Variants in PGAP4 observed in about 807,000 individuals in gnomAD.
PGAP4 encodes the protein GPI-N-acetylgalactosamine transferase PGAP4.
In PGAP4, 12 loss-of-function variants were observed where a neutral mutation model predicts 28.2. The observed-to-expected ratio is 0.42, with a 90% CI of 0.27 to 0.69. PGAP4 has a LOEUF of 0.69. Among genes scored for constraint, PGAP4 ranks in the 30% least tolerant of loss-of-function variants. PGAP4 has a pLI of 0.22. For missense variants in PGAP4, 425 were observed against 513.5 expected, an observed-to-expected ratio of 0.83 and a Z score of 1.67; for synonymous variants, 205 against 211.8, an observed-to-expected ratio of 0.97 and a Z score of 0.28.
intron 2 of PGAP4, among the ~76,000 whole-genome samples, chr9:101,508,580 C>G (rs1175642897): frequency 6.6e-6 from 1 of 152,090 alleles, no homozygotes; most frequent in Non-Finnish European, 1.5e-5. Flanking sequence ...AATCCTTCAG[C>G]TAAAAAGAAA....
At chr9:101,519,743 TCTTTG>T (rs1185011269) in intron 2 of PGAP4, among the ~76,000 whole-genome samples, 1 of 151,954 alleles carries the variant, frequency 6.6e-6, no homozygotes, top group Non-Finnish European at 1.5e-5. Flanking sequence ...CAGCTATTTA[TCTTTG>T]TTTTTATTGC....
chr9:101,523,693 C>T (rs1000404115), intron 2 of PGAP4, among the ~76,000 whole-genome samples: 3 of 132,934 alleles, frequency 2.3e-5, no homozygotes, highest in Non-Finnish European at 4.6e-5. Context: ...CTGGTCCCTC[C>T]CTGATTAGCT....
intron 2 of PGAP4, among the ~76,000 whole-genome samples, chr9:101,524,058 G>A (rs563415693): frequency 6.6e-6 from 1 of 152,008 alleles, no homozygotes; most frequent in Non-Finnish European, 1.5e-5. Flanking sequence ...GGTACTGGGG[G>A]TTGTCTGCAC....
chr9:101,477,435 ATACT>A (rs1359159296), intron 1 of PGAP4, among the ~76,000 whole-genome samples: 6 of 152,200 alleles, frequency 3.9e-5, no homozygotes, highest in African/African-American at 1.4e-4. Context: ...ACGCCTAAAG[ATACT>A]TAGTTAGGTT....
At chr9:101,483,064 C>T (rs1009370614) in intron 1 of PGAP4, among the ~76,000 whole-genome samples, 2 of 152,216 alleles carry the variant, frequency 1.3e-5, no homozygotes, top group African/African-American at 2.4e-5. Flanking sequence ...TGCCTGTTGT[C>T]TTCCATGGCC....
chr9:101,479,344 A>T (rs1360414472), intron 1 of PGAP4, among the ~76,000 whole-genome samples: 1 of 152,208 alleles, frequency 6.6e-6, no homozygotes, highest in Non-Finnish European at 1.5e-5. Context: ...TGCTCATACT[A>T]TTATCCCTGC....
At chr9:101,483,358 T>G (rs1206182633) in intron 1 of PGAP4, among the ~76,000 whole-genome samples, 1 of 152,174 alleles carries the variant, frequency 6.6e-6, no homozygotes, top group Non-Finnish European at 1.5e-5. Context: ...GTTCTAAGCA[T>G]CTCATCTATC....
At chr9:101,526,486 C>G (rs1827037063) in intron 2 of PGAP4, among the ~76,000 whole-genome samples, 2 of 152,124 alleles carry the variant, frequency 1.3e-5, no homozygotes, top group Admixed American at 6.5e-5. Context: ...GTCTGACTCT[C>G]TCGCCCAGGC....
rs558290820 is a variant in PGAP4, at chr9:101,473,926, T to C, written c.*1955A>G. On this transcript the variant is annotated 3_prime_UTR_variant, in exon 2 of 2. Transcript: ENST00000374848. ...AGTCATCTAGTAGCTCTGATCACTT[T>C]GGACATTGCTGGGGGATACATAACA... 6.6e-5 allele frequency: 10 copies of C among 152,278 alleles called. No individual in the cohort carries two copies. The East Asian group carries it at 1.9e-3, about 29-fold the overall frequency. 9.4% of individuals were successfully genotyped at this position (152,278 alleles called of 1,614,324 possible). A position where few individuals can be genotyped will look rare whatever the true frequency, so the allele number is the denominator to read the frequency against.
At chr9:101,477,190 G>A (rs1010484138) in intron 1 of PGAP4, 21 bp from the exon 2 acceptor site, 36 of 1,434,810 alleles carry the variant, frequency 2.5e-5, no homozygotes, top group Non-Finnish European at 3.1e-5. Flanking sequence ...AGGAAGTAGG[G>A]AATGGTAAGA....
intron 2 of PGAP4, among the ~76,000 whole-genome samples, chr9:101,501,095 A>G (rs375507921): frequency 6.6e-6 from 1 of 152,068 alleles, no homozygotes; most frequent in East Asian, 1.9e-4. Context: ...CTTTATGTGA[A>G]ATAGAAGTTG....
chr9:101,513,287 T>A (rs1382242212), intron 2 of PGAP4, among the ~76,000 whole-genome samples: 1 of 152,174 alleles, frequency 6.6e-6, no homozygotes, highest in African/African-American at 2.4e-5. Context: ...TATGGTCCTC[T>A]CTGCCCTCTA....
chr9:101,477,965 C>T (rs1826376080), intron 1 of PGAP4, among the ~76,000 whole-genome samples: 1 of 152,052 alleles, frequency 6.6e-6, no homozygotes. Flanking sequence ...CAGTTGCCCT[C>T]AGTTTGGTCC....
At chr9:101,518,800 A>G (rs887933111) in intron 2 of PGAP4, among the ~76,000 whole-genome samples, 2 of 152,140 alleles carry the variant, frequency 1.3e-5, no homozygotes, top group African/African-American at 4.8e-5. Flanking sequence ...TCTTTTTCAT[A>G]TGACTTCTTT....
At chr9:101,514,209 C>T (rs1348537631) in intron 2 of PGAP4, among the ~76,000 whole-genome samples, 1 of 152,142 alleles carries the variant, frequency 6.6e-6, no homozygotes, top group East Asian at 1.9e-4. Flanking sequence ...AATTAGCCAT[C>T]ACATTAGTTA....
At chr9:101,485,685 T>C (rs1826596589) in intron 1 of PGAP4, among the ~76,000 whole-genome samples, 1 of 152,212 alleles carries the variant, frequency 6.6e-6, no homozygotes, top group South Asian at 2.1e-4. Context: ...ACGCTTTTGA[T>C]TTAAAACTTC....
At chr9:101,524,849 C>T (rs961784636) in intron 2 of PGAP4, among the ~76,000 whole-genome samples, 4 of 152,146 alleles carry the variant, frequency 2.6e-5, no homozygotes, top group South Asian at 2.1e-4. Flanking sequence ...AGGAGTAGTC[C>T]GCTTCCTTCA....
At chr9:101,500,188 C>T (rs561662587) in intron 2 of PGAP4, among the ~76,000 whole-genome samples, 3 of 152,032 alleles carry the variant, frequency 2.0e-5, no homozygotes, top group Admixed American at 6.6e-5. Context: ...GCAACTTTAA[C>T]GTCTTAAAAA....
Position 101,475,928 on chromosome 9 carries a change from C to A in PGAP4, c.1165G>T (p.Gly389Trp), listed in dbSNP as rs370233990. Residue 389 changes from glycine to tryptophan, a missense_variant, in exon 2 of 2, where the codon GGG becomes TGG. By Grantham distance (184) the Gly-to-Trp change is radical. Coordinates refer to ENST00000374848, the MANE Select transcript of PGAP4 (RefSeq NM_032342.3). The stretch of plus-strand genomic sequence containing the variant: ...TTGTACCGGAGACTGGAGAAGAGCC[C>A]GATGTGTTTCACGAGGTTCGGCTCC... ...VVEPNLVKHI[G>W]LFSSLRYNFH... 7.4e-6 allele frequency: 12 copies of A among 1,614,038 alleles called. No individual in the cohort carries two copies. Among genetic ancestry groups the A allele is most frequent in the Non-Finnish European group, 1.0e-5 (12 of 1,180,034 alleles).
Sources: gnomAD v4.1 joint callset for allele counts (sites outside exome capture counted in the v4.1 genomes callset) on GRCh38, gnomAD v4.1.1 for gene constraint, MANE v1.5 for transcripts, NCBI Gene and HGNC (gene_info 2026-07-23, HGNC 2026-07-21) for gene names.